Variants in TYW1 observed in about 807,000 individuals in gnomAD.
The protein encoded by TYW1 is tRNA-yW synthesizing protein 1 homolog.
In TYW1, 46 loss-of-function variants were observed where a neutral mutation model predicts 96.2. The ratio of observed to expected loss-of-function variants is 0.48; its 90% CI spans 0.38 to 0.61. The LOEUF (loss-of-function observed/expected upper bound fraction) is 0.61. Among genes scored for constraint, TYW1 ranks in the 20% least tolerant of loss-of-function variants. The pLI, the probability that TYW1 is intolerant of heterozygous loss-of-function variation, is 0.00. For synonymous variants in TYW1, 274 were observed against 323.0 expected (o/e 0.85, Z 1.63); for missense variants, 684 against 909.6 (o/e 0.75, Z 3.19).
At chr7:67,212,978 C>T (rs1366825181) in intron 15 of TYW1, among the ~76,000 whole-genome samples, 4 of 152,050 alleles carry the variant, frequency 2.6e-5, no homozygotes, top group Admixed American at 1.3e-4. Context: ...CAGGTTCAAA[C>T]GATTCTTCTG....
At chr7:67,142,649 C>T (rs1290266422) in intron 13 of TYW1, among the ~76,000 whole-genome samples, 2 of 152,142 alleles carry the variant, frequency 1.3e-5, no homozygotes, top group South Asian at 2.1e-4. Context: ...CCAGGCTAGT[C>T]TTGAACAACT....
chr7:67,158,568 ATTG>A (rs1465141750), intron 13 of TYW1, among the ~76,000 whole-genome samples: 5 of 151,296 alleles, frequency 3.3e-5, no homozygotes, highest in African/African-American at 7.3e-5. Flanking sequence ...GTATATTATT[ATTG>A]TTATTATTTT....
intron 15 of TYW1, among the ~76,000 whole-genome samples, chr7:67,232,087 C>T (rs1157320812): frequency 4.7e-5 from 7 of 150,448 alleles, no homozygotes; most frequent in Middle Eastern, 3.3e-3. Flanking sequence ...AAAAATTAGC[C>T]GGGCGTGGTG....
intron 15 of TYW1, among the ~76,000 whole-genome samples, chr7:67,231,593 A>T (rs1486805045): frequency 6.6e-6 from 1 of 152,292 alleles, no homozygotes; most frequent in East Asian, 1.9e-4. Flanking sequence ...TCCCCCTTTG[A>T]GGTTGGACCT....
chr7:67,209,035 ATTTGATAAGAGGCAGGCTAC>A (rs1246175801), intron 15 of TYW1, among the ~76,000 whole-genome samples: 1 of 152,184 alleles, frequency 6.6e-6, no homozygotes, highest in African/African-American at 2.4e-5. Flanking sequence ...GAGCTTCTGC[ATTTGATAAGAGGCAGGCTAC>A]TTAGTGGCTA....
intron 15 of TYW1, among the ~76,000 whole-genome samples, chr7:67,222,651 G>T (rs1337402608): frequency 6.6e-6 from 1 of 151,884 alleles, no homozygotes; most frequent in Non-Finnish European, 1.5e-5. Context: ...ATGTGTCTTG[G>T]TGTGTGTCTT....
At chr7:67,055,284 G>A (rs1795472876) in intron 8 of TYW1, among the ~76,000 whole-genome samples, 4 of 152,126 alleles carry the variant, frequency 2.6e-5, no homozygotes, top group Non-Finnish European at 4.4e-5. Flanking sequence ...AAATCTCCTC[G>A]TATAATTTTT....
chr7:67,029,367 A>C lies in TYW1; in HGVS notation c.984+4345A>C, dbSNP rs1185669007. Among the ~76,000 whole-genome samples the C allele has an allele frequency of 2.1e-5, 3 of 141,666 alleles. No homozygotes were observed. The East Asian group carries it at 5.9e-4, about 28-fold the overall frequency. 92.9% of individuals were successfully genotyped at this position (141,666 alleles called of 152,430 possible). ...TGCATTTATATTTGCAAACTTAGTTAAATATGTGTGTGTGCGTGTGTGTGT... is the reference window on the plus strand; with the variant it reads ...TGCATTTATATTTGCAAACTTAGTTCAATATGTGTGTGTGCGTGTGTGTGT... On this transcript the variant is annotated intron_variant, in intron 7 of 15. Coordinates refer to ENST00000359626, the MANE Select transcript of TYW1 (RefSeq NM_018264.4).
intron 13 of TYW1, among the ~76,000 whole-genome samples, chr7:67,146,933 C>T (rs1798625932): frequency 6.6e-6 from 1 of 151,460 alleles, no homozygotes; most frequent in Non-Finnish European, 1.5e-5. Context: ...GTTGGCATTC[C>T]AGCCTTCATT....
chr7:67,162,944 A>G (rs1319677661), intron 13 of TYW1, among the ~76,000 whole-genome samples: 3 of 152,316 alleles, frequency 2.0e-5, no homozygotes, highest in South Asian at 2.1e-4. Flanking sequence ...TTAGGATTTT[A>G]TAGTTGCATC....
At chr7:67,154,715 A>C (rs187900188) in intron 13 of TYW1, among the ~76,000 whole-genome samples, 2 of 151,936 alleles carry the variant, frequency 1.3e-5, no homozygotes, top group Non-Finnish European at 2.9e-5. Context: ...CTGGTTGTCT[A>C]TCTCTCTCTC....
At chr7:67,147,979 C>A (rs991004511) in intron 13 of TYW1, among the ~76,000 whole-genome samples, 1 of 150,928 alleles carries the variant, frequency 6.6e-6, no homozygotes. Context: ...TTTGACAAAT[C>A]AGAGATTATT....
At chr7:67,211,900 A>C (rs1190268758) in intron 15 of TYW1, among the ~76,000 whole-genome samples, 1 of 152,148 alleles carries the variant, frequency 6.6e-6, no homozygotes, top group Non-Finnish European at 1.5e-5. Context: ...AGATTATTTC[A>C]TACATTTGTA....
chr7:67,162,407 A>G (rs10229408), intron 13 of TYW1, among the ~76,000 whole-genome samples: 42,675 of 151,598 alleles, frequency 0.28, 6,520 homozygotes, highest in African/African-American at 0.4. Flanking sequence ...AGTATTTGCT[A>G]TAATATTTGG....
intron 13 of TYW1, among the ~76,000 whole-genome samples, chr7:67,154,077 C>A (rs1201656900): frequency 6.6e-6 from 1 of 152,088 alleles, no homozygotes; most frequent in African/African-American, 2.4e-5. Flanking sequence ...CCTGCCACCA[C>A]ACCTGGCTAT....
intron 7 of TYW1, among the ~76,000 whole-genome samples, chr7:67,037,974 A>G (rs558889621): frequency 2.0e-5 from 3 of 152,320 alleles, no homozygotes; most frequent in East Asian, 3.9e-4. Flanking sequence ...GCTTCAAAAT[A>G]TGAAACTTTT....
At chr7:67,117,174 G>A (rs556651197) in intron 12 of TYW1, among the ~76,000 whole-genome samples, 14 of 152,294 alleles carry the variant, frequency 9.2e-5, no homozygotes, top group African/African-American at 3.1e-4. Flanking sequence ...GATGCTGTCA[G>A]ACTTGAAGTT....
chr7:67,109,773 G>A (rs1223404541), intron 12 of TYW1, among the ~76,000 whole-genome samples: 7 of 152,142 alleles, frequency 4.6e-5, no homozygotes, highest in Admixed American at 2.0e-4. Flanking sequence ...CCAGCTACTC[G>A]AGAGGCTGAG....
At chr7:67,169,667 G>A (rs190550503) in intron 13 of TYW1, among the ~76,000 whole-genome samples, 20 of 152,306 alleles carry the variant, frequency 1.3e-4, no homozygotes, top group African/African-American at 4.6e-4. Context: ...CCAAAGTGCT[G>A]GGATTACAGG....
Sources: allele counts gnomAD v4.1 joint callset (sites outside exome capture counted in the v4.1 genomes callset), GRCh38; gene constraint gnomAD v4.1.1; transcripts MANE v1.5; gene names NCBI Gene and HGNC (gene_info 2026-07-23, HGNC 2026-07-21).